Variants in NRXN3 observed in about 807,000 individuals in gnomAD.
The protein encoded by NRXN3 is neurexin III.
NRXN3 carries 32 observed loss-of-function variants against 137.6 expected under a neutral mutation model. The observed-to-expected ratio is 0.23, with a 90% CI of 0.18 to 0.31. NRXN3 has a LOEUF of 0.31. Ranked by LOEUF, NRXN3 falls within the 10% of genes least tolerant of loss-of-function variation. The probability of loss-of-function intolerance (pLI) is 1.00; values close to 1 mark genes in which losing one functional copy is unlikely to be tolerated. For missense variants in NRXN3, 1,574 were observed against 2,062.5 expected, an observed-to-expected ratio of 0.76 and a Z score of 4.59; for synonymous variants, 798 against 784.5, an observed-to-expected ratio of 1.02 and a Z score of -0.29.
In NRXN3 at chr14:79,726,450, T is replaced by A. The variant is rs201770230; in HGVS notation, c.4014+28513T>A. On this transcript the variant is annotated intron_variant, in intron 19 of 20. Coordinates refer to ENST00000335750, the MANE Select transcript of NRXN3 (RefSeq NM_001330195.2). ...TTTTTTAAAATCCTCCATTTGCAGC[T>A]TTTTGTACTCTGATCACAATATATT... is the stretch of plus-strand genomic sequence containing the variant. 5.0e-3 allele frequency among the ~76,000 whole-genome samples: 764 copies of A among 152,260 alleles called. 41 individuals carry two copies. The East Asian group carries it at 0.13, about 25-fold the overall frequency.
chr14:79,319,396 G>C (rs1020716046), intron 15 of NRXN3, among the ~76,000 whole-genome samples: 4 of 152,146 alleles, frequency 2.6e-5, no homozygotes, highest in Non-Finnish European at 5.9e-5. Context: ...CTGATCAAAG[G>C]CAGGTTTAGC....
At chr14:79,073,379 A>G (rs2099690862) in intron 15 of NRXN3, among the ~76,000 whole-genome samples, 1 of 152,180 alleles carries the variant, frequency 6.6e-6, no homozygotes, top group Admixed American at 6.6e-5. Flanking sequence ...TCCTGTAGGA[A>G]CTTGCTCCAG....
chr14:78,668,606 G>A (rs2097907364), intron 6 of NRXN3, among the ~76,000 whole-genome samples: 1 of 152,168 alleles, frequency 6.6e-6, no homozygotes, highest in Admixed American at 6.5e-5. Flanking sequence ...ACAATGCACA[G>A]GACAGCCCTT....
chr14:79,694,666 G>A (rs553106389), intron 18 of NRXN3, among the ~76,000 whole-genome samples: 1 of 152,042 alleles, frequency 6.6e-6, no homozygotes, highest in Admixed American at 6.6e-5. Context: ...AAACTGGTCA[G>A]TTCTTCACAT....
At chr14:78,276,423 A>T (rs2073604527) in intron 2 of NRXN3, among the ~76,000 whole-genome samples, 2 of 152,180 alleles carry the variant, frequency 1.3e-5, no homozygotes, top group Admixed American at 6.5e-5. Flanking sequence ...CCAGTGAGCC[A>T]TCTGGTCAAT....
intron 8 of NRXN3, among the ~76,000 whole-genome samples, chr14:78,765,724 GAT>G (rs149894446): frequency 6.6e-5 from 10 of 150,702 alleles, no homozygotes; most frequent in South Asian, 6.3e-4. Flanking sequence ...AATAAATGTT[GAT>G]ATATATATAT....
chr14:78,969,356 T>C (rs1480217504), intron 14 of NRXN3, among the ~76,000 whole-genome samples: 2 of 152,210 alleles, frequency 1.3e-5, no homozygotes, highest in Non-Finnish European at 2.9e-5. Context: ...CTAGTAGTCT[T>C]GGGTTGGCTG....
At chr14:79,337,841 C>T (rs1423192690) in intron 15 of NRXN3, among the ~76,000 whole-genome samples, 2 of 152,012 alleles carry the variant, frequency 1.3e-5, no homozygotes, top group Non-Finnish European at 2.9e-5. Flanking sequence ...TTTTTCATAC[C>T]GTATTACTGG....
intron 8 of NRXN3, among the ~76,000 whole-genome samples, chr14:78,767,874 G>C (rs569425230): frequency 1.3e-5 from 2 of 152,178 alleles, no homozygotes; most frequent in African/African-American, 4.8e-5. Flanking sequence ...GCTTAGTAGA[G>C]AGAACTCATC....
chr14:78,697,350 C>T (rs912176808), intron 6 of NRXN3, among the ~76,000 whole-genome samples: 11 of 151,760 alleles, frequency 7.2e-5, no homozygotes, highest in Non-Finnish European at 1.0e-4. Flanking sequence ...GTTTCCTATT[C>T]TCTGCCTATA....
chr14:79,215,681 A>T (rs961400802), intron 15 of NRXN3, among the ~76,000 whole-genome samples: 1 of 152,164 alleles, frequency 6.6e-6, no homozygotes, highest in Non-Finnish European at 1.5e-5. Context: ...GTTATCTCCC[A>T]CTGAGTCCCT....
chr14:78,929,441 AGT>A (rs1435767644), intron 10 of NRXN3, among the ~76,000 whole-genome samples: 1 of 152,108 alleles, frequency 6.6e-6, no homozygotes, highest in Non-Finnish European at 1.5e-5. Flanking sequence ...CCCACTTATA[AGT>A]GAGAACATGC....
At chr14:78,675,887 T>C (rs1341070706) in intron 6 of NRXN3, among the ~76,000 whole-genome samples, 5 of 150,274 alleles carry the variant, frequency 3.3e-5, no homozygotes, top group African/African-American at 1.2e-4. Context: ...CTGTGTTGCA[T>C]TTTGGTAATT....
rs552226537 is a variant in NRXN3 at position 79,260,702 on chromosome 14, G to A, written c.3263-206519G>A. On this transcript the variant is annotated intron_variant, in intron 15 of 20. Coordinates refer to ENST00000335750, the MANE Select transcript of NRXN3 (RefSeq NM_001330195.2). ...GAAGAGCAGGCAGCCCTCAGTTTCC[G>A]AAAGGGTTGTATTCTCAATGTTACT... Among the ~76,000 whole-genome samples, 12 of 152,210 alleles carry A rather than the reference G, an allele frequency of 7.9e-5. No homozygotes were observed. The South Asian group carries it at 1.2e-3, about 16-fold the overall frequency.
chr14:79,233,026 A>G (rs1306640326), intron 15 of NRXN3, among the ~76,000 whole-genome samples: 1 of 152,176 alleles, frequency 6.6e-6, no homozygotes, highest in Non-Finnish European at 1.5e-5. Flanking sequence ...AAATCTTTTC[A>G]TGTTTCCTCC....
chr14:78,945,691 T>G (rs917140516), intron 10 of NRXN3, among the ~76,000 whole-genome samples: 3 of 152,254 alleles, frequency 2.0e-5, no homozygotes, highest in Admixed American at 2.0e-4. Flanking sequence ...TAGTCCGCTC[T>G]GCTCAGTTAT....
At chr14:78,624,906 A>T (rs1406003708) in intron 4 of NRXN3, among the ~76,000 whole-genome samples, 1 of 151,948 alleles carries the variant, frequency 6.6e-6, no homozygotes, top group Non-Finnish European at 1.5e-5. Context: ...CAGTGGTGCG[A>T]TCTTGGTTCA....
intron 4 of NRXN3, among the ~76,000 whole-genome samples, chr14:78,431,733 T>G (rs925578149): frequency 1.1e-4 from 17 of 152,154 alleles, no homozygotes; most frequent in Non-Finnish European, 1.6e-4. Context: ...TTCCTCAGTT[T>G]TACAGATTAT....
chr14:78,249,060 T>G lies in NRXN3; in HGVS notation c.709+5258T>G, dbSNP rs1342919375. On this transcript the variant is annotated intron_variant, in intron 2 of 20. Coordinates refer to ENST00000335750, the MANE Select transcript of NRXN3 (RefSeq NM_001330195.2). ...AGCAGCCGCCTGCCACTTGCTTCAA[T>G]TATCCCTCTTTTAACTGCTGAGGGA... 2.0e-5 allele frequency among the ~76,000 whole-genome samples: 3 copies of G among 152,360 alleles called. No homozygotes were observed. In the South Asian group the frequency reaches 6.2e-4, roughly 32 times the overall value.
Sources: gnomAD v4.1 joint callset for allele counts (sites outside exome capture counted in the v4.1 genomes callset) on GRCh38, gnomAD v4.1.1 for gene constraint, MANE v1.5 for transcripts, NCBI Gene and HGNC (gene_info 2026-07-23, HGNC 2026-07-21) for gene names.